Variants in PIK3C3 observed in about 807,000 individuals in gnomAD.
The protein encoded by PIK3C3 is phosphatidylinositol 3-kinase catalytic subunit type 3, also known as PI3-kinase type 3.
In PIK3C3, 95 loss-of-function variants were observed where a neutral mutation model predicts 126.1. The ratio of observed to expected loss-of-function variants is 0.75; its 90% CI spans 0.64 to 0.89. The LOEUF is 0.89. PIK3C3 is among the 40% of genes least tolerant of loss of function. PIK3C3 has a pLI of 0.00. For missense variants in PIK3C3, 829 were observed against 1,063.2 expected (o/e 0.78, Z 3.06); for synonymous variants, 374 against 360.0 (o/e 1.04, Z -0.44).
At chr18:41,996,127 A>T in intron 8 of PIK3C3, 133 bp downstream of exon 8, 1 of 655,944 alleles carries the variant, frequency 1.5e-6, no homozygotes. Context: ...CATCATGTTC[A>T]TAATTTCACA....
At chr18:41,998,193 A>G (rs1233057101) in intron 9 of PIK3C3, among the ~76,000 whole-genome samples, 1 of 152,134 alleles carries the variant, frequency 6.6e-6, no homozygotes, top group African/African-American at 2.4e-5. Context: ...CTTTATATCC[A>G]TAATAAGAAT....
At chr18:42,047,006 A>G (rs968008254) in intron 20 of PIK3C3, among the ~76,000 whole-genome samples, 4 of 152,182 alleles carry the variant, frequency 2.6e-5, no homozygotes, top group African/African-American at 9.7e-5. Context: ...CTCAAATTTG[A>G]TGATGAGTAG....
intron 2 of PIK3C3, among the ~76,000 whole-genome samples, chr18:41,960,787 G>T (rs1353350924): frequency 6.6e-6 from 1 of 151,190 alleles, no homozygotes; most frequent in Non-Finnish European, 1.5e-5. Context: ...TCTGTCGCCA[G>T]GCTGGAGTGC....
At chr18:42,067,039 C>A (rs1985570776) in intron 23 of PIK3C3, among the ~76,000 whole-genome samples, 1 of 151,894 alleles carries the variant, frequency 6.6e-6, no homozygotes, top group African/African-American at 2.4e-5. Flanking sequence ...CAATTTAAAT[C>A]ATATATAGTA....
chr18:42,032,640 A>G (rs1379575696), intron 15 of PIK3C3, among the ~76,000 whole-genome samples: 3 of 148,582 alleles, frequency 2.0e-5, no homozygotes, highest in Admixed American at 2.0e-4. Flanking sequence ...TTATTTATTT[A>G]TTTATTTATT....
chr18:42,038,858 T>C lies in PIK3C3; in HGVS notation c.2038+8T>C. ...CCACCAGTACAAAACATGGTAAGTG[T>C]ATTTTACATCATTATTATTTACTTT... On this transcript the variant is annotated splice_region_variant and intron_variant, in intron 18 of 24. Coordinates refer to ENST00000262039, the MANE Select transcript of PIK3C3 (RefSeq NM_002647.4). 1.3e-6 allele frequency: 2 copies of C among 1,520,900 alleles called. No homozygotes were observed. Among genetic ancestry groups the C allele is most frequent in the Non-Finnish European group, 1.8e-6 (2 of 1,102,808 alleles). 94.2% of individuals were successfully genotyped at this position (1,520,900 alleles called of 1,614,324 possible).
At chr18:42,045,921 C>T (rs1984538759) in intron 20 of PIK3C3, among the ~76,000 whole-genome samples, 1 of 152,152 alleles carries the variant, frequency 6.6e-6, no homozygotes, top group Admixed American at 6.5e-5. Flanking sequence ...TACACACACG[C>T]TTGCCCTGTC....
intron 23 of PIK3C3, among the ~76,000 whole-genome samples, chr18:42,066,215 C>T (rs1286925301): frequency 3.9e-5 from 6 of 152,096 alleles, no homozygotes; most frequent in African/African-American, 1.4e-4. Context: ...TTACATTTAC[C>T]TCTCTTTTAC....
intron 12 of PIK3C3, among the ~76,000 whole-genome samples, chr18:42,020,256 C>T (rs936554258): frequency 6.6e-6 from 1 of 152,122 alleles, no homozygotes; most frequent in Non-Finnish European, 1.5e-5. Context: ...ATTTACATTA[C>T]TTAGCATTCC....
chr18:41,957,659 C>A lies in PIK3C3; in HGVS notation c.158C>A (p.Thr53Lys). 1 of 1,613,970 alleles carries A rather than the reference C, an allele frequency of 6.2e-7. No individual in the cohort carries two copies. Among genetic ancestry groups the A allele is most frequent in the Non-Finnish European group, 8.5e-7 (1 of 1,179,910 alleles). Residue 53 changes from threonine to lysine, a missense_variant, in exon 2 of 25, where the codon ACA becomes AAA. Coordinates refer to ENST00000262039, the MANE Select transcript of PIK3C3 (RefSeq NM_002647.4). Reference protein sequence around the residue: ...MLKFSGLYQETCSDLYVTCQV... With the variant: ...MLKFSGLYQEKCSDLYVTCQV... The stretch of plus-strand genomic sequence containing the variant: ...AAGTTCTCAGGACTATATCAAGAGA[C>A]ATGCTCTGATCTTTATGTTACTTGT...
At chr18:42,015,025 C>G (rs1353150887) in intron 11 of PIK3C3, among the ~76,000 whole-genome samples, 1 of 152,140 alleles carries the variant, frequency 6.6e-6, no homozygotes, top group African/African-American at 2.4e-5. Context: ...GGGGTGAAAA[C>G]TGTAACCTAG....
At chr18:42,043,544 A>T (rs1041880337) in intron 19 of PIK3C3, among the ~76,000 whole-genome samples, 189 bp from the exon 20 acceptor site, 6 of 152,156 alleles carry the variant, frequency 3.9e-5, no homozygotes, top group African/African-American at 1.4e-4. Flanking sequence ...CATTAAACAC[A>T]GTTTCCCCTA....
intron 16 of PIK3C3, 76 bp from the exon 17 acceptor site, chr18:42,037,616 C>A: frequency 7.6e-7 from 1 of 1,313,274 alleles, no homozygotes; most frequent in Non-Finnish European, 1.1e-6. Context: ...TATATATCAA[C>A]ATTTTCTTGT....
chr18:41,985,194 A>C, intron 4 of PIK3C3: 1 of 152,182 alleles, frequency 6.6e-6, no homozygotes, highest in Non-Finnish European at 1.5e-5. Flanking sequence ...TACAAGAAAA[A>C]ATTATTTAAA....
intron 4 of PIK3C3, among the ~76,000 whole-genome samples, chr18:41,979,655 G>C (rs888843118): frequency 6.6e-6 from 1 of 151,938 alleles, no homozygotes; most frequent in Non-Finnish European, 1.5e-5. Context: ...TTTATTTTAC[G>C]CTTTTAAGAT....
intron 11 of PIK3C3, 49 bp from the exon 12 acceptor site, chr18:42,015,427 A>T: frequency 7.0e-7 from 1 of 1,424,980 alleles, no homozygotes. Flanking sequence ...GCGTTCTCTT[A>T]TGGACAGAGT....
intron 20 of PIK3C3, among the ~76,000 whole-genome samples, chr18:42,047,275 A>G (rs1262551609): frequency 6.6e-6 from 1 of 152,170 alleles, no homozygotes; most frequent in African/African-American, 2.4e-5. Context: ...AAATTGTAGG[A>G]ATTTCGCTTG....
intron 20 of PIK3C3, among the ~76,000 whole-genome samples, chr18:42,044,070 T>C (rs1199436779): frequency 6.6e-6 from 1 of 152,218 alleles, no homozygotes; most frequent in Non-Finnish European, 1.5e-5. Flanking sequence ...GTTTATCTCT[T>C]CCTGGAAGCT....
intron 3 of PIK3C3, among the ~76,000 whole-genome samples, chr18:41,970,109 C>G (rs1214735444): frequency 1.3e-5 from 2 of 152,026 alleles, no homozygotes; most frequent in Admixed American, 1.3e-4. Flanking sequence ...TGTCATAGTT[C>G]TGAGCGCTTG....
Sources: gnomAD v4.1 joint callset for allele counts (sites outside exome capture counted in the v4.1 genomes callset) on GRCh38, gnomAD v4.1.1 for gene constraint, MANE v1.5 for transcripts, NCBI Gene and HGNC (gene_info 2026-07-23, HGNC 2026-07-21) for gene names.